APOB: variants seen among roughly 807,000 people sequenced by gnomAD.
The protein encoded by APOB is apolipoprotein B, also known as apolipoprotein B-100.
APOB carries 153 observed loss-of-function variants against 314.1 expected under a neutral mutation model. That is an observed-to-expected ratio of 0.49 (90% CI 0.43 to 0.56). The LOEUF (loss-of-function observed/expected upper bound fraction) is 0.56, where lower values mean the gene tolerates loss of function less well. Ranked by LOEUF, APOB falls within the 20% of genes least tolerant of loss-of-function variation. APOB has a pLI of 0.00. For missense variants in APOB, 5,430 were observed against 5,350.7 expected, an observed-to-expected ratio of 1.01 and a Z score of -0.46; for synonymous variants, 2,087 against 2,036.4, an observed-to-expected ratio of 1.02 and a Z score of -0.67.
At position 21,011,130 on chromosome 2, in the gene APOB, C is replaced by T. The variant is rs1189148731; in HGVS notation, c.5738G>A (p.Gly1913Asp). 2.5e-6 allele frequency: 4 copies of T among 1,614,202 alleles called. No individual in the cohort carries two copies. The highest frequency in any genetic ancestry group is 1.3e-5 in the African/African-American group (1 of 75,050). The change falls in exon 26 of 29, where the codon GGC becomes GAC. Residue 1913 changes from glycine (G) to aspartate (D), a missense_variant. Around this residue, in one of 3 missense-constraint regions of APOB, gnomAD observed 3,281 missense variants for 3,171.0 expected, o/e 1.03. Transcript: ENST00000233242. ...FTMTIDAHTN[G>D]NGKLALWGEH... is the part of the protein sequence containing the mutation. ...TCCCCAGAGAGCGAGTTTCCCATTG[C>T]CATTTGTATGTGCATCGATGGTCAT...
Position 21,009,986 on chromosome 2 carries a change from A to G in APOB, c.6882T>C (p.Val2294=). 6.2e-7 allele frequency: 1 copy of G among 1,613,814 alleles called. No homozygotes were observed. The highest frequency in any genetic ancestry group is 8.5e-7 in the Non-Finnish European group (1 of 1,179,910). The change falls in exon 26 of 29, where the codon GTT becomes GTC. Residue 2294 remains valine (V), a synonymous_variant. Transcript: ENST00000233242. The stretch of plus-strand genomic sequence containing the variant: ...TTCCCAATTGATCTAAAAGCACTCT[A>G]ACATCAATAGCCTCAATGTGTTGTT... The part of the protein sequence containing the change: ...KLKQHIEAID[V]RVLLDQLGTT...
rs578110460 is a variant in APOB, at chr2:21,005,082, T to C, written c.11786A>G (p.Asn3929Ser). 3 of 1,613,862 alleles carry C rather than the reference T, an allele frequency of 1.9e-6. No individual in the cohort carries two copies. Among genetic ancestry groups the C allele is most frequent in the African/African-American group, 2.7e-5 (2 of 75,046 alleles). Residue 3929 changes from asparagine (N) to serine (S), a missense_variant and splice_region_variant, in exon 26 of 29, where the codon AAT (asparagine) becomes AGT (serine). Asn to Ser is a conservative substitution (Grantham distance 46). Coordinates refer to ENST00000233242, the MANE Select transcript of APOB (RefSeq NM_000384.3). ...STVQFLEYEL[N>S]VLGTHKIEDG... ...AGAGGAGGCAGGATATTTCTTACCATTTAGTTCATATTCTAGGAACTGTAC... is the reference window on the plus strand; with the variant it reads ...AGAGGAGGCAGGATATTTCTTACCACTTAGTTCATATTCTAGGAACTGTAC...
Position 21,012,016 on chromosome 2 carries a change from A to G in APOB, c.4852T>C (p.Ser1618Pro), listed in dbSNP as rs1440306074. Residue 1618 changes from serine to proline, a missense_variant, in exon 26 of 29, where the codon TCA (serine) becomes CCA (proline). Ser to Pro is a moderately conservative substitution (Grantham distance 74). Around this residue, in one of 3 missense-constraint regions of APOB, gnomAD observed 2,085 missense variants for 2,079.7 expected, o/e 1.00. Transcript: ENST00000233242. ...SLRFFSLLSGSLNSHGLELNA... is the reference protein window; with the variant it reads ...SLRFFSLLSGPLNSHGLELNA... ...AACTCAAGACCATGGGAATTTAGTG[A>G]TCCAGAAAGCAGGCTGAAGAACCTC... The G allele has an allele frequency of 4.3e-6, 7 of 1,614,204 alleles. No homozygotes were observed. Among genetic ancestry groups the G allele is most frequent in the Non-Finnish European group, 5.1e-6 (6 of 1,180,034 alleles).
In APOB at chr2:21,011,269, G is replaced by A. The variant is rs200583769; in HGVS notation, c.5599C>T (p.Arg1867Trp). Residue 1867 changes from arginine (R) to tryptophan (W), a missense_variant, in exon 26 of 29, where the codon CGG (arginine) becomes TGG (tryptophan). This residue lies in a region of APOB where 3,281 missense variants were observed against 3,171.0 expected (regional missense o/e 1.03). Transcript: ENST00000233242. ...AKVQGVEFSHRLNTDIAGLAS... is the reference protein window; with the variant it reads ...AKVQGVEFSHWLNTDIAGLAS... ...AGCCCAGCGATGTCTGTGTTGAGCC[G>A]ATGGCTAAACTCCACACCCTGAACC... 2.7e-4 allele frequency: 435 copies of A among 1,614,056 alleles called. No homozygotes were observed. The highest frequency in any genetic ancestry group is 3.5e-4 in the Non-Finnish European group (409 of 1,180,018).
In APOB at chr2:21,011,568, G is replaced by A. The variant is rs1663321715; in HGVS notation, c.5300C>T (p.Ser1767Phe). The A allele has an allele frequency of 6.2e-7, 1 of 1,614,062 alleles. No homozygotes were observed. Among genetic ancestry groups the A allele is most frequent in the Admixed American group, 1.7e-5 (1 of 60,008 alleles). ...LNIAGLSLDF[S>F]SKLDNIYSSD... ...GCTGTAAATGTTGTCAAGTTTTGAA[G>A]AGAAGTCCAGTGATAAGCCTGCAAT... The change falls in exon 26 of 29, where the codon TCT (serine) becomes TTT (phenylalanine). Residue 1767 changes from serine (S) to phenylalanine (F), a missense_variant. By Grantham distance (155) the Ser-to-Phe change is radical. Coordinates refer to ENST00000233242, the MANE Select transcript of APOB (RefSeq NM_000384.3).
At chr2:21,043,454 G>A in intron 2 of APOB, 59 bp downstream of exon 2, 1 of 1,558,692 alleles carries the variant, frequency 6.4e-7, no homozygotes, top group Non-Finnish European at 8.7e-7. Context: ...CAGGGACCCG[G>A]GTGTAGGAGA....
At position 21,027,988 on chromosome 2, in the gene APOB, T is replaced by C. The variant is rs1663778878; in HGVS notation, c.1907A>G (p.Asn636Ser). The change falls in exon 14 of 29, where the codon AAC becomes AGC. Residue 636 changes from asparagine (N) to serine (S), a missense_variant. Coordinates refer to ENST00000233242, the MANE Select transcript of APOB (RefSeq NM_000384.3). ...TVMDFRKFSR[N>S]YQLYKSVSLP... ...AGAAACAGATTTGTAGAGTTGATAG[T>C]TCCGAGAGAATTTTCTGAAGTCCAT... 1 of 1,614,160 alleles carries C rather than the reference T, an allele frequency of 6.2e-7. No homozygotes were observed. The highest frequency in any genetic ancestry group is 8.5e-7 in the Non-Finnish European group (1 of 1,179,978).
In APOB at chr2:21,005,434, C is replaced by CA; in HGVS notation, c.11433dup (p.Glu3812Ter). Reference sequence around the variant, plus strand: ...AACTGAGATTCAGGCACGGTTATCTCAAAAAAGGGAATCAAGGAGTCTTCT... The same window carrying CA: ...AACTGAGATTCAGGCACGGTTATCTCAAAAAAAGGGAATCAAGGAGTCTTCT... On this transcript the variant is annotated frameshift_variant, in exon 26 of 29. Transcript: ENST00000233242. LOFTEE classifies it high-confidence loss of function. 2 of 1,613,784 alleles carry CA rather than the reference C, an allele frequency of 1.2e-6. No individual in the cohort carries two copies. The highest frequency in any genetic ancestry group is 1.7e-5 in the Admixed American group (1 of 59,992).
At chr2:21,031,614 AG>A (rs1211976345) in intron 10 of APOB, among the ~76,000 whole-genome samples, 1 of 152,238 alleles carries the variant, frequency 6.6e-6, no homozygotes, top group African/African-American at 2.4e-5. Context: ...AATGTAAAAA[AG>A]AAAAAGCCAA....
chr2:21,003,788 T>C (rs1172276532), intron 28 of APOB, among the ~76,000 whole-genome samples: 3 of 152,182 alleles, frequency 2.0e-5, no homozygotes, highest in East Asian at 3.8e-4. Context: ...AAACTTTTAG[T>C]AACAGTCATA....
Position 21,028,371 on chromosome 2 carries a change from G to A in APOB, c.1785C>T (p.Ser595=). ...CTGAGTTCAAGATATTGGCAATATG[G>A]GAAGCCACAAAGTTCTTCACTTGCT... ...QNEQVKNFVA[S]HIANILNSEE... Residue 595 remains serine (S), a synonymous_variant, in exon 13 of 29, where the codon TCC becomes TCT. Coordinates refer to ENST00000233242, the MANE Select transcript of APOB (RefSeq NM_000384.3). 6.2e-7 allele frequency: 1 copy of A among 1,614,142 alleles called. No individual in the cohort carries two copies. Among genetic ancestry groups the A allele is most frequent in the Non-Finnish European group, 8.5e-7 (1 of 1,180,024 alleles).
chr2:21,012,435 T>C lies in APOB; in HGVS notation c.4433A>G (p.His1478Arg). 6.2e-7 allele frequency: 1 copy of C among 1,614,178 alleles called. No individual in the cohort carries two copies. Among genetic ancestry groups the C allele is most frequent in the African/African-American group, 1.3e-5 (1 of 75,068 alleles). ...AATCTTGACTTCTTTGACAAACAAA[T>C]GCTGTTTCTTTTTGGAGTCCAAATG... ...SVHLDSKKKQ[H>R]LFVKEVKIDG... The change falls in exon 26 of 29, where the codon CAT (histidine) becomes CGT (arginine). Residue 1478 changes from histidine to arginine, a missense_variant. Transcript: ENST00000233242.
At chr2:21,028,809 C>G (rs1266138020) in intron 12 of APOB, among the ~76,000 whole-genome samples, 1 of 151,938 alleles carries the variant, frequency 6.6e-6, no homozygotes, top group East Asian at 1.9e-4. Flanking sequence ...GTTTGGAGAT[C>G]CACCACTAAG....
chr2:21,043,401 GCA>G lies in APOB; in HGVS notation c.121+110_121+111del. 2.3e-6 allele frequency: 3 copies of G among 1,276,618 alleles called. No individual in the cohort carries two copies. The South Asian group carries it at 3.8e-5, about 16-fold the overall frequency. The allele number at this position is 1,276,618 out of a possible 1,614,324, so 79.1% of individuals were successfully genotyped here. A position where few individuals can be genotyped will look rare whatever the true frequency, so the allele number is the denominator to read the frequency against. On this transcript the variant is annotated intron_variant, in intron 2 of 28. Coordinates refer to ENST00000233242, the MANE Select transcript of APOB (RefSeq NM_000384.3). ...ACTTGCTTCCTGGGGTCAGAGCAAG[GCA>G]CACCACGATGCCATCTCAGCCCTGT...
intron 10 of APOB, 146 bp from the exon 11 acceptor site, chr2:21,030,161 A>G (rs1157394011): frequency 6.1e-6 from 4 of 658,772 alleles, no homozygotes; most frequent in Non-Finnish European, 1.1e-5. Flanking sequence ...TTAAGCAAAA[A>G]GAACATAGCT....
At position 21,002,046 on chromosome 2, in the gene APOB, T is replaced by C; in HGVS notation, c.13376A>G (p.Asp4459Gly). ...TGCAATCTTCTCTTTCCCTTTTCCA[T>C]CTGGATCGGTAAGGATGCTAAGATA... The part of the protein sequence containing the change: ...QEYLSILTDP[D>G]GKGKEKIAEL... Residue 4459 changes from aspartate to glycine, a missense_variant, in exon 29 of 29, where the codon GAT (aspartate) becomes GGT (glycine). Asp to Gly is a moderately conservative substitution (Grantham distance 94, BLOSUM62 -1). Around this residue, in one of 3 missense-constraint regions of APOB, gnomAD observed 3,281 missense variants for 3,171.0 expected, o/e 1.03. Coordinates refer to ENST00000233242, the MANE Select transcript of APOB (RefSeq NM_000384.3). The C allele has an allele frequency of 6.2e-7, 1 of 1,614,030 alleles. No homozygotes were observed. The highest frequency in any genetic ancestry group is 1.1e-5 in the South Asian group (1 of 91,076).
Position 21,028,315 on chromosome 2 carries a change from G to A in APOB, c.1829+12C>T. The A allele has an allele frequency of 6.2e-7, 1 of 1,606,316 alleles. No homozygotes were observed. On this transcript the variant is annotated intron_variant, in intron 13 of 28. Transcript: ENST00000233242. ...CCCTCAGTGGTATATGGGGTGAATA[G>A]CTCTTACTTACTCTTGGATATCCAA...
chr2:21,014,398 T>C, intron 24 of APOB, 50 bp downstream of exon 24: 1 of 1,604,064 alleles, frequency 6.2e-7, no homozygotes, highest in Non-Finnish European at 8.5e-7. Context: ...ATGTAAAATC[T>C]TTCATTTACT....
chr2:21,040,071 C>T (rs1035647886), intron 4 of APOB, among the ~76,000 whole-genome samples: 23 of 152,092 alleles, frequency 1.5e-4, no homozygotes, highest in Non-Finnish European at 3.2e-4. Context: ...CCGTGCTGTT[C>T]TCGTGATTGC....
Sources: allele counts gnomAD v4.1 joint callset (sites outside exome capture counted in the v4.1 genomes callset), GRCh38; gene constraint gnomAD v4.1.1; regional missense constraint gnomAD v4.1.1; transcripts MANE v1.5; gene names NCBI Gene and HGNC (gene_info 2026-07-23, HGNC 2026-07-21).